CBLB: variants seen among roughly 807,000 people sequenced by gnomAD.
CBLB encodes the protein Cbl proto-oncogene B.
A neutral mutation model predicts 104.9 loss-of-function variants in CBLB; 31 were observed. That is an observed-to-expected ratio of 0.30 (90% CI 0.22 to 0.40). The LOEUF is 0.40. Among genes scored for constraint, CBLB ranks in the 10% least tolerant of loss-of-function variants. The pLI, the probability that CBLB is intolerant of heterozygous loss-of-function variation, is 1.00. For synonymous variants in CBLB, 440 were observed against 422.6 expected (o/e 1.04, Z -0.51); for missense variants, 1,062 against 1,214.6 (o/e 0.87, Z 1.87).
At chr3:105,677,266 T>C (rs1025764388) in intron 17 of CBLB, among the ~76,000 whole-genome samples, 8 of 151,710 alleles carry the variant, frequency 5.3e-5, no homozygotes, top group African/African-American at 1.7e-4. Context: ...CTTTAAGAAA[T>C]TGAAGCTGTG....
intron 6 of CBLB, among the ~76,000 whole-genome samples, chr3:105,745,454 T>C (rs908783474): frequency 6.6e-6 from 1 of 152,224 alleles, no homozygotes; most frequent in African/African-American, 2.4e-5. Context: ...ATTATAACAA[T>C]AGGTTTATAT....
chr3:105,801,076 GTT>G (rs371970162), intron 3 of CBLB, among the ~76,000 whole-genome samples: 1 of 151,940 alleles, frequency 6.6e-6, no homozygotes, highest in African/African-American at 2.4e-5. Context: ...TCTCACAACT[GTT>G]TTTTTCTTAA....
chr3:105,675,555 G>C (rs866221178), intron 17 of CBLB, among the ~76,000 whole-genome samples: 31 of 152,014 alleles, frequency 2.0e-4, no homozygotes, highest in African/African-American at 7.5e-4. Flanking sequence ...AATACACACG[G>C]TTTTAAATTT....
At chr3:105,861,318 A>C (rs1318299825) in intron 2 of CBLB, among the ~76,000 whole-genome samples, 2 of 148,434 alleles carry the variant, frequency 1.3e-5, no homozygotes, top group Non-Finnish European at 3.1e-5. Context: ...AAATGCTAGA[A>C]GACTAGTTAA....
intron 3 of CBLB, among the ~76,000 whole-genome samples, chr3:105,809,030 T>G (rs1395847605): frequency 6.6e-6 from 1 of 152,198 alleles, no homozygotes; most frequent in Non-Finnish European, 1.5e-5. Flanking sequence ...TAGCTCATAT[T>G]TATTGAGTTC....
At chr3:105,678,789 C>T (rs970653242) in intron 16 of CBLB, among the ~76,000 whole-genome samples, 1 of 152,132 alleles carries the variant, frequency 6.6e-6, no homozygotes, top group South Asian at 2.1e-4. Context: ...TACATACATA[C>T]GTACAAACAC....
chr3:105,776,582 C>T (rs1485972626), intron 3 of CBLB, 40 bp from the exon 4 acceptor site: 18 of 1,580,334 alleles, frequency 1.1e-5, no homozygotes, highest in Non-Finnish European at 1.6e-5. Context: ...AAGAAATAAA[C>T]ACCTAGATGC....
At chr3:105,867,272 TGAA>T (rs1335398208) in intron 2 of CBLB, 135 bp downstream of exon 2, 7 of 939,214 alleles carry the variant, frequency 7.5e-6, no homozygotes, top group Non-Finnish European at 1.2e-5. Flanking sequence ...AACACAGAGT[TGAA>T]GAAAAATGAT....
Position 105,678,591 on chromosome 3 carries a change from G to A in CBLB, c.2429-20C>T, listed in dbSNP as rs761610099. On this transcript the variant is annotated intron_variant, in intron 16 of 18. Coordinates refer to ENST00000394030, the MANE Select transcript of CBLB (RefSeq NM_170662.5). ...CTTCACCTGCATTTAAAGAAAGGTCGATATCAGCAGCAGAACTTCATTAAT... is the reference window on the plus strand; with the variant it reads ...CTTCACCTGCATTTAAAGAAAGGTCAATATCAGCAGCAGAACTTCATTAAT... 22 of 1,607,322 alleles carry A rather than the reference G, an allele frequency of 1.4e-5. No homozygotes were observed. The highest frequency in any genetic ancestry group is 6.8e-5 in the Admixed American group (4 of 59,146).
At chr3:105,794,587 A>G (rs1167066894) in intron 3 of CBLB, among the ~76,000 whole-genome samples, 1 of 152,188 alleles carries the variant, frequency 6.6e-6, no homozygotes. Flanking sequence ...AATGTCACAA[A>G]CCAACTAGGG....
chr3:105,733,936 C>A (rs570976322), intron 9 of CBLB, 73 bp downstream of exon 9: 14 of 1,413,382 alleles, frequency 9.9e-6, no homozygotes, highest in Middle Eastern at 1.8e-4. Flanking sequence ...ACTTCCTAAA[C>A]CATTAAGAAA....
chr3:105,746,053 A>C lies in CBLB; in HGVS notation c.724-15T>G. On this transcript the variant is annotated splice_polypyrimidine_tract_variant and intron_variant, in intron 5 of 18. Coordinates refer to ENST00000394030, the MANE Select transcript of CBLB (RefSeq NM_170662.5). ...GAGCCCCAAGGCTAAAAAATAAAAA[A>C]ATTAAAAGAGATTAGTATCTAGAGA... 2.6e-6 allele frequency: 4 copies of C among 1,560,698 alleles called. No homozygotes were observed. Among genetic ancestry groups the C allele is most frequent in the Non-Finnish European group, 3.5e-6 (4 of 1,132,804 alleles).
chr3:105,711,116 T>C (rs555888884), intron 10 of CBLB, among the ~76,000 whole-genome samples: 7 of 152,110 alleles, frequency 4.6e-5, no homozygotes, highest in Non-Finnish European at 1.0e-4. Context: ...AGGCTTATTA[T>C]AAAAACAGGA....
intron 3 of CBLB, among the ~76,000 whole-genome samples, chr3:105,782,541 G>A (rs2080384922): frequency 6.6e-6 from 1 of 151,464 alleles, no homozygotes; most frequent in Non-Finnish European, 1.5e-5. Context: ...GGTAACTTTG[G>A]GCATTCTTTG....
intron 3 of CBLB, among the ~76,000 whole-genome samples, chr3:105,814,834 A>T (rs2084799721): frequency 6.6e-6 from 1 of 152,028 alleles, no homozygotes. Flanking sequence ...GAATATGAGA[A>T]GAAAATCCAT....
At chr3:105,717,327 T>C (rs1041477533) in intron 10 of CBLB, among the ~76,000 whole-genome samples, 3 of 152,192 alleles carry the variant, frequency 2.0e-5, no homozygotes, top group African/African-American at 7.2e-5. Flanking sequence ...TGAGCTGTTG[T>C]ATCTCAAATA....
intron 18 of CBLB, among the ~76,000 whole-genome samples, chr3:105,665,442 T>TAC (rs1159402124): frequency 1.2e-3 from 79 of 67,160 alleles, no homozygotes; most frequent in African/African-American, 2.2e-3. Flanking sequence ...TATATATATA[T>TAC]ACACACACAC....
chr3:105,667,201 A>C (rs2064563656), intron 18 of CBLB, among the ~76,000 whole-genome samples: 1 of 152,184 alleles, frequency 6.6e-6, no homozygotes, highest in Non-Finnish European at 1.5e-5. Flanking sequence ...AGTTGTGCTA[A>C]AATCAAGCAT....
chr3:105,798,493 C>T (rs1379257971), intron 3 of CBLB, among the ~76,000 whole-genome samples: 1 of 152,104 alleles, frequency 6.6e-6, no homozygotes, highest in Non-Finnish European at 1.5e-5. Flanking sequence ...TACATTATAA[C>T]CACTCAGAGA....
Sources: allele counts gnomAD v4.1 joint callset (sites outside exome capture counted in the v4.1 genomes callset), GRCh38; gene constraint gnomAD v4.1.1; transcripts MANE v1.5; gene names NCBI Gene and HGNC (gene_info 2026-07-23, HGNC 2026-07-21).